DNAJC7: variants seen among roughly 807,000 people sequenced by gnomAD.
DNAJC7 encodes dnaJ homolog subfamily C member 7.
DNAJC7 carries 18 observed loss-of-function variants against 67.4 expected under a neutral mutation model. That is an observed-to-expected ratio of 0.27 (90% CI 0.18 to 0.40). The LOEUF is 0.40. Among genes scored for constraint, DNAJC7 ranks in the 10% least tolerant of loss-of-function variants. The probability of loss-of-function intolerance (pLI) is 1.00; values close to 1 mark genes in which losing one functional copy is unlikely to be tolerated. For missense variants in DNAJC7, 419 were observed against 613.8 expected, an observed-to-expected ratio of 0.68 and a Z score of 3.35; for synonymous variants, 220 against 207.8, an observed-to-expected ratio of 1.06 and a Z score of -0.50.
chr17:41,980,502 C>T (rs1165319842), intron 12 of DNAJC7, among the ~76,000 whole-genome samples: 2 of 152,206 alleles, frequency 1.3e-5, no homozygotes, highest in Non-Finnish European at 2.9e-5. Context: ...TTTGGTGCCT[C>T]AGTCTCCTGA....
chr17:41,994,519 C>CAAAA (rs68006925), intron 5 of DNAJC7, among the ~76,000 whole-genome samples: 3 of 37,888 alleles, frequency 7.9e-5, no homozygotes, highest in Non-Finnish European at 1.2e-4. Context: ...GACTAGGCCT[C>CAAAA]AAAAAAAAAA....
At chr17:41,996,921 AG>A (rs1461070174) in intron 3 of DNAJC7, among the ~76,000 whole-genome samples, 193 bp downstream of exon 3, 3 of 152,224 alleles carry the variant, frequency 2.0e-5, no homozygotes, top group East Asian at 1.9e-4. Context: ...AACTGGGCAG[AG>A]GGGGTGCTAC....
intron 1 of DNAJC7, among the ~76,000 whole-genome samples, chr17:42,004,776 C>T (rs2051901164): frequency 6.6e-6 from 1 of 152,178 alleles, no homozygotes; most frequent in African/African-American, 2.4e-5. Flanking sequence ...AATCCCAGCA[C>T]TTTAGGAGAC....
chr17:41,992,388 G>A (rs2051531668), intron 5 of DNAJC7, among the ~76,000 whole-genome samples: 1 of 151,916 alleles, frequency 6.6e-6, no homozygotes. Flanking sequence ...TGGTCAGGCT[G>A]GTCTCTAACT....
chr17:41,977,044 C>T, intron 13 of DNAJC7: 1 of 646,856 alleles, frequency 1.5e-6, no homozygotes, highest in African/African-American at 1.8e-5. Flanking sequence ...CTCCCTGACC[C>T]TGCAGAGATG....
intron 12 of DNAJC7, among the ~76,000 whole-genome samples, chr17:41,979,995 T>C (rs1257569583): frequency 6.7e-6 from 1 of 149,772 alleles, no homozygotes; most frequent in Non-Finnish European, 1.5e-5. Flanking sequence ...AAAATCCCAA[T>C]AGATTTTCTT....
chr17:41,987,969 G>A (rs1441604624), intron 8 of DNAJC7, 59 bp from the exon 9 acceptor site: 1 of 1,439,532 alleles, frequency 6.9e-7, no homozygotes, highest in Non-Finnish European at 9.6e-7. Flanking sequence ...GAGCCCAGAA[G>A]CTGTGAGCAT....
intron 9 of DNAJC7, chr17:41,985,372 A>G (rs2051350220): frequency 6.6e-6 from 1 of 152,020 alleles, no homozygotes; most frequent in African/African-American, 2.4e-5. Flanking sequence ...GAGAAATGAT[A>G]CTTTGATACT....
chr17:41,982,959 T>TAAA (rs1317041576), intron 10 of DNAJC7, among the ~76,000 whole-genome samples: 1 of 130,660 alleles, frequency 7.7e-6, no homozygotes. Context: ...GACTCCATCT[T>TAAA]AAAAAAAAAA....
At chr17:41,993,849 C>T (rs1434660732) in intron 5 of DNAJC7, among the ~76,000 whole-genome samples, 2 of 144,592 alleles carry the variant, frequency 1.4e-5, no homozygotes, top group African/African-American at 5.1e-5. Context: ...CCAGCCTGAC[C>T]AACATGCAGA....
chr17:41,991,740 C>CACA (rs1407637859), intron 5 of DNAJC7, among the ~76,000 whole-genome samples: 54 of 152,270 alleles, frequency 3.5e-4, no homozygotes, highest in Admixed American at 1.0e-3. Context: ...GTATCAGTGG[C>CACA]ACAATCATGG....
intron 5 of DNAJC7, 123 bp from the exon 6 acceptor site, chr17:41,990,505 A>G (rs781804742): frequency 6.7e-6 from 5 of 750,384 alleles, no homozygotes; most frequent in Non-Finnish European, 1.1e-5. Context: ...CTTCTAAGTA[A>G]TATCAAAGTT....
rs1127182 is a variant in DNAJC7 at position 41,990,284 on chromosome 17, T to C, written c.579A>G (p.Pro193=). 0.076 allele frequency: 122,480 copies of C among 1,609,772 alleles called. 5,728 individuals carry two copies. The highest frequency in any genetic ancestry group is 0.2 in the African/African-American group (15,149 of 74,908). The stretch of plus-strand genomic sequence containing the variant: ...CATACCTAGCCACAGACTGTGCTTC[T>C]GGATAACGACCCAGCATTGCTAAAC... ...AECLAMLGRY[P]EAQSVASDIL... The change falls in exon 6 of 14, where the codon CCA becomes CCG. Residue 193 remains proline, a synonymous_variant. Coordinates refer to ENST00000457167, the MANE Select transcript of DNAJC7 (RefSeq NM_003315.4).
intron 1 of DNAJC7, among the ~76,000 whole-genome samples, chr17:42,010,178 G>A (rs949873884): frequency 6.7e-6 from 1 of 149,362 alleles, no homozygotes; most frequent in African/African-American, 2.5e-5. Flanking sequence ...GACAGAAAGA[G>A]AGAAAGAAAG....
intron 1 of DNAJC7, among the ~76,000 whole-genome samples, chr17:42,006,423 A>C (rs2051957946): frequency 1.3e-5 from 2 of 150,324 alleles, no homozygotes; most frequent in Admixed American, 1.3e-4. Context: ...GAGGCAGAAG[A>C]CCTCCTGAGC....
intron 9 of DNAJC7, among the ~76,000 whole-genome samples, chr17:41,984,124 C>T (rs1164060747): frequency 6.6e-6 from 1 of 152,142 alleles, no homozygotes; most frequent in Non-Finnish European, 1.5e-5. Context: ...TCAAGTTCAA[C>T]GTGGCAGCTG....
chr17:42,006,526 C>T (rs781030279), intron 1 of DNAJC7, among the ~76,000 whole-genome samples: 1 of 151,494 alleles, frequency 6.6e-6, no homozygotes, highest in South Asian at 2.1e-4. Context: ...AGGCTGGGCA[C>T]GGTGGCTCAC....
intron 7 of DNAJC7, 92 bp from the exon 8 acceptor site, chr17:41,988,988 C>A: frequency 6.7e-7 from 1 of 1,489,404 alleles, no homozygotes; most frequent in Non-Finnish European, 9.1e-7. Context: ...AAGTTCTTTG[C>A]TTCCAGCAGT....
chr17:42,006,896 A>C (rs747808675), intron 1 of DNAJC7, among the ~76,000 whole-genome samples: 1 of 150,112 alleles, frequency 6.7e-6, no homozygotes, highest in African/African-American at 2.4e-5. Flanking sequence ...TCAGGAGATC[A>C]AGACCATCCT....
Sources: gnomAD v4.1 joint callset for allele counts (sites outside exome capture counted in the v4.1 genomes callset) on GRCh38, gnomAD v4.1.1 for gene constraint, MANE v1.5 for transcripts, NCBI Gene and HGNC (gene_info 2026-07-23, HGNC 2026-07-21) for gene names.